Variants in COL22A1 observed in about 807,000 individuals in gnomAD.
The protein encoded by COL22A1 is collagen type XXII alpha 1 chain, also known as collagen alpha-1(XXII) chain.
Under a neutral mutation model 248.9 loss-of-function variants are expected in COL22A1, and 221 were observed. The ratio of observed to expected loss-of-function variants is 0.89; its 90% CI spans 0.80 to 0.99. The LOEUF is 0.99. Ranked by LOEUF, COL22A1 falls within the 50% of genes least tolerant of loss-of-function variation. The pLI, the probability that COL22A1 is intolerant of heterozygous loss-of-function variation, is 0.00. For synonymous variants in COL22A1, 891 were observed against 793.4 expected (o/e 1.12, Z -2.07); for missense variants, 2,240 against 2,179.0 (o/e 1.03, Z -0.56).
chr8:138,912,435 G>A (rs533202573), intron 1 of COL22A1, among the ~76,000 whole-genome samples: 7 of 152,302 alleles, frequency 4.6e-5, no homozygotes, highest in African/African-American at 1.2e-4. Context: ...AAAGACCCAC[G>A]TAGACATAGG....
At chr8:138,818,880 G>A (rs1020708429) in intron 7 of COL22A1, among the ~76,000 whole-genome samples, 1 of 152,208 alleles carries the variant, frequency 6.6e-6, no homozygotes, top group African/African-American at 2.4e-5. Context: ...AACAGGGTGT[G>A]ATTCCCATTT....
At chr8:138,815,861 T>C (rs748706415) in intron 7 of COL22A1, among the ~76,000 whole-genome samples, 7 of 152,170 alleles carry the variant, frequency 4.6e-5, no homozygotes, top group Non-Finnish European at 7.4e-5. Context: ...CAAAGTGCCC[T>C]GGACTGACCA....
chr8:138,708,098 C>A (rs1828629800), intron 30 of COL22A1, among the ~76,000 whole-genome samples: 1 of 152,138 alleles, frequency 6.6e-6, no homozygotes, highest in Non-Finnish European at 1.5e-5. Context: ...AGGACCTCTT[C>A]AAGGAGAACT....
chr8:138,611,118 A>C (rs928350318), intron 56 of COL22A1, among the ~76,000 whole-genome samples: 4 of 152,170 alleles, frequency 2.6e-5, no homozygotes, highest in African/African-American at 2.4e-5. Context: ...ATGTGTTTGC[A>C]CTCATCAAGA....
chr8:138,717,077 T>C (rs1018174662), intron 27 of COL22A1, among the ~76,000 whole-genome samples: 2 of 152,218 alleles, frequency 1.3e-5, no homozygotes, highest in Non-Finnish European at 2.9e-5. Context: ...CTTTCTCATA[T>C]AGTCTTTTGC....
At chr8:138,826,581 T>C in intron 6 of COL22A1, 77 bp downstream of exon 6, 2 of 1,483,422 alleles carry the variant, frequency 1.3e-6, no homozygotes, top group Non-Finnish European at 1.9e-6. Context: ...GGAGAAAACA[T>C]GGTGGGTGGT....
chr8:138,862,517 G>A (rs1421478543), intron 3 of COL22A1, among the ~76,000 whole-genome samples: 3 of 142,324 alleles, frequency 2.1e-5, no homozygotes, highest in African/African-American at 7.9e-5. Context: ...TCCCTGACCT[G>A]AGCAGAACCC....
In COL22A1 at chr8:138,805,492, GGTGT is replaced by G. The variant is rs369661772; in HGVS notation, c.1494+2272_1494+2275del. Among the ~76,000 whole-genome samples, 329 of 87,854 alleles carry G rather than the reference GGTGT, an allele frequency of 3.7e-3. 6 individuals carry two copies. Among genetic ancestry groups the G allele is most frequent in the African/African-American group, 0.016 (247 of 15,740 alleles). 57.6% of individuals were successfully genotyped at this position (87,854 alleles called of 152,430 possible). ...GTAATGATATGGGATGGCATGTGAT[GGTGT>G]GTGTGTGTGATGGTGTGTGTGTATA... On this transcript the variant is annotated intron_variant, in intron 10 of 64. Coordinates refer to ENST00000303045, the MANE Select transcript of COL22A1 (RefSeq NM_152888.3).
At chr8:138,606,276 G>A (rs1818410573) in intron 58 of COL22A1, 105 bp downstream of exon 58, 1 of 1,049,206 alleles carries the variant, frequency 9.5e-7, no homozygotes, top group Non-Finnish European at 1.4e-6. Flanking sequence ...ATCATGGCCT[G>A]AGCAGACAGA....
chr8:138,778,409 G>A lies in COL22A1; in HGVS notation c.1705-3C>T. 2 of 1,595,646 alleles carry A rather than the reference G, an allele frequency of 1.3e-6. No individual in the cohort carries two copies. The highest frequency in any genetic ancestry group is 4.5e-5 in the East Asian group (2 of 44,778). On this transcript the variant is annotated splice_region_variant and splice_polypyrimidine_tract_variant and intron_variant, in intron 14 of 64. Transcript: ENST00000303045. The stretch of plus-strand genomic sequence containing the variant: ...AGTCCAGGTGGTCCTTGGGGCCCCT[G>A]CAGAAGAGCATTTACAGAGTAAAGT...
Position 138,691,324 on chromosome 8 carries a change from CGTAT to C in COL22A1, c.2755-454_2755-451del, listed in dbSNP as rs1005100743. Reference sequence around the variant, plus strand: ...GTGCGTGTGTGCAGGTTTGTGGAAGCGTATGTGTGTGCATGCGTGTGTGCACGTT... The same window carrying C: ...GTGCGTGTGTGCAGGTTTGTGGAAGCGTGTGTGCATGCGTGTGTGCACGTT... On this transcript the variant is annotated intron_variant, in intron 35 of 64. Transcript: ENST00000303045. 1.5e-4 allele frequency among the ~76,000 whole-genome samples: 21 copies of C among 142,142 alleles called. No homozygotes were observed. The South Asian group carries it at 2.1e-3, about 14-fold the overall frequency. 93.3% of individuals were successfully genotyped at this position (142,142 alleles called of 152,430 possible). A position where few individuals can be genotyped will look rare whatever the true frequency, so the allele number is the denominator to read the frequency against.
chr8:138,761,976 A>C (rs1431607727), intron 17 of COL22A1, among the ~76,000 whole-genome samples: 1 of 152,138 alleles, frequency 6.6e-6, no homozygotes, highest in Non-Finnish European at 1.5e-5. Context: ...ACATCAGTGC[A>C]TCCAGAGTTT....
chr8:138,788,121 G>A (rs1321290236), intron 12 of COL22A1, among the ~76,000 whole-genome samples: 2 of 152,140 alleles, frequency 1.3e-5, no homozygotes, highest in South Asian at 2.1e-4. Flanking sequence ...ATGGTCACAG[G>A]CCAGCTGCAT....
intron 48 of COL22A1, among the ~76,000 whole-genome samples, chr8:138,636,328 A>G (rs922192146): frequency 6.6e-6 from 1 of 151,870 alleles, no homozygotes; most frequent in Admixed American, 6.6e-5. Flanking sequence ...AGCATGGAGT[A>G]TCTGTGAAGC....
intron 1 of COL22A1, among the ~76,000 whole-genome samples, chr8:138,892,422 G>A (rs995604953): frequency 2.0e-5 from 3 of 152,226 alleles, no homozygotes; most frequent in Non-Finnish European, 4.4e-5. Context: ...CTGCAGCACA[G>A]GCCCTGGCAT....
intron 22 of COL22A1, among the ~76,000 whole-genome samples, chr8:138,738,406 C>T (rs560675717): frequency 1.8e-4 from 28 of 152,106 alleles, no homozygotes; most frequent in Admixed American, 7.9e-4. Context: ...AGAATACAGC[C>T]CTTTTTGGCA....
At chr8:138,736,672 T>C (rs796761911) in intron 23 of COL22A1, among the ~76,000 whole-genome samples, 15 of 151,534 alleles carry the variant, frequency 9.9e-5, no homozygotes, top group African/African-American at 3.4e-4. Flanking sequence ...CCTGTGGGAG[T>C]TGGGCCAAGT....
chr8:138,718,241 C>T (rs1295401738), intron 27 of COL22A1, among the ~76,000 whole-genome samples: 1 of 152,190 alleles, frequency 6.6e-6, no homozygotes, highest in Non-Finnish European at 1.5e-5. Context: ...TCCGATGCTC[C>T]CATCAATTCC....
intron 5 of COL22A1, among the ~76,000 whole-genome samples, chr8:138,830,730 T>C (rs1221258681): frequency 2.6e-5 from 4 of 152,196 alleles, no homozygotes; most frequent in African/African-American, 7.2e-5. Flanking sequence ...TTGTGTAACT[T>C]TTGCTTTCTT....
Sources: allele counts gnomAD v4.1 joint callset (sites outside exome capture counted in the v4.1 genomes callset), GRCh38; gene constraint gnomAD v4.1.1; transcripts MANE v1.5; gene names NCBI Gene and HGNC (gene_info 2026-07-23, HGNC 2026-07-21).